CPLANE1: variants seen among roughly 807,000 people sequenced by gnomAD.
The protein encoded by CPLANE1 is ciliogenesis and planar polarity effector complex subunit 1.
Under a neutral mutation model 362.5 loss-of-function variants are expected in CPLANE1, and 263 were observed. That is an observed-to-expected ratio of 0.73 (90% CI 0.66 to 0.80). The LOEUF (loss-of-function observed/expected upper bound fraction) is 0.80, where lower values mean the gene tolerates loss of function less well. Among genes scored for constraint, CPLANE1 ranks in the 30% least tolerant of loss-of-function variants. The pLI is 0.00. For synonymous variants in CPLANE1, 1,212 were observed against 1,302.6 expected, an observed-to-expected ratio of 0.93 and a Z score of 1.50; for missense variants, 3,461 against 3,793.4, an observed-to-expected ratio of 0.91 and a Z score of 2.30.
Position 37,221,495 on chromosome 5 carries a change from C to G in CPLANE1, c.2582-7G>C. ...AAATACGTCCTTCTTCCTCCTGAAA[C>G]AAGAAGTAAGCTCACCTTAAAAGTA... On this transcript the variant is annotated splice_region_variant and splice_polypyrimidine_tract_variant and intron_variant, in intron 14 of 52. Coordinates refer to ENST00000651892, the MANE Select transcript of CPLANE1 (RefSeq NM_001384732.1). 1 of 1,485,624 alleles carries G rather than the reference C, an allele frequency of 6.7e-7. No individual in the cohort carries two copies. The highest frequency in any genetic ancestry group is 8.9e-7 in the Non-Finnish European group (1 of 1,122,280). The allele number at this position is 1,485,624 out of a possible 1,614,324, so 92.0% of individuals were successfully genotyped here.
chr5:37,138,880 A>C, intron 45 of CPLANE1, 32 bp from the exon 46 acceptor site: 2 of 1,581,836 alleles, frequency 1.3e-6, no homozygotes, highest in Non-Finnish European at 1.7e-6. Flanking sequence ...AAGAAATATA[A>C]ATCAGTATCT....
chr5:37,216,459 G>A (rs1278248167), intron 15 of CPLANE1, among the ~76,000 whole-genome samples: 1 of 152,206 alleles, frequency 6.6e-6, no homozygotes, highest in African/African-American at 2.4e-5. Flanking sequence ...TGAGGCAGGA[G>A]GATCACTTGA....
intron 42 of CPLANE1, among the ~76,000 whole-genome samples, chr5:37,151,185 T>C (rs1384048472): frequency 2.6e-5 from 4 of 152,224 alleles, no homozygotes; most frequent in African/African-American, 9.6e-5. Context: ...CTCTAAGTAA[T>C]GCTCATACAG....
Position 37,108,473 on chromosome 5 carries a change from T to C in CPLANE1, c.9401-2A>G. On this transcript the variant is annotated splice_acceptor_variant, in intron 51 of 52. Coordinates refer to ENST00000651892, the MANE Select transcript of CPLANE1 (RefSeq NM_001384732.1). LOFTEE classifies it high-confidence loss of function. ...GACTATGACACGGAGCATTAGAGCC[T>C]TTTAAGGGATAAGAACAAAGCACAC... The C allele has an allele frequency of 6.2e-7, 1 of 1,610,172 alleles. No homozygotes were observed. Among genetic ancestry groups the C allele is most frequent in the South Asian group, 1.1e-5 (1 of 90,414 alleles).
chr5:37,169,627 C>T, intron 33 of CPLANE1, 66 bp from the exon 34 acceptor site: 1 of 1,387,010 alleles, frequency 7.2e-7, no homozygotes, highest in Admixed American at 2.3e-5. Context: ...TTGTAAATGG[C>T]ATTCAGTATG....
At chr5:37,107,902 G>C in intron 52 of CPLANE1, 124 bp from the exon 53 acceptor site, 2 of 1,414,434 alleles carry the variant, frequency 1.4e-6, no homozygotes, top group Non-Finnish European at 1.9e-6. Flanking sequence ...CCATCAAAAG[G>C]CTGAAGGAAA....
intron 46 of CPLANE1, among the ~76,000 whole-genome samples, chr5:37,134,465 T>A (rs13167076): frequency 0.061 from 9,229 of 152,322 alleles, 375 homozygotes; most frequent in Non-Finnish European, 0.094. Flanking sequence ...TTTGTATTTC[T>A]GTGGGATCAG....
intron 48 of CPLANE1, 44 bp from the exon 49 acceptor site, chr5:37,121,828 A>G (rs780517679): frequency 6.6e-7 from 1 of 1,521,662 alleles, no homozygotes; most frequent in Non-Finnish European, 9.1e-7. Flanking sequence ...AGTCACTTTC[A>G]GTTCATCTAT....
intron 51 of CPLANE1, among the ~76,000 whole-genome samples, chr5:37,111,649 C>G (rs2149919798): frequency 6.6e-6 from 1 of 152,256 alleles, no homozygotes; most frequent in South Asian, 2.1e-4. Flanking sequence ...AGAAACAAAG[C>G]TAACATCATT....
At chr5:37,207,444 G>T (rs976408040) in intron 16 of CPLANE1, among the ~76,000 whole-genome samples, 2 of 152,138 alleles carry the variant, frequency 1.3e-5, no homozygotes, top group Non-Finnish European at 2.9e-5. Flanking sequence ...TACGAGCAAG[G>T]TAATATACCA....
At chr5:37,232,663 C>T (rs1797972360) in intron 8 of CPLANE1, among the ~76,000 whole-genome samples, 1 of 150,724 alleles carries the variant, frequency 6.6e-6, no homozygotes, top group Admixed American at 6.6e-5. Context: ...ATAGCAAGAC[C>T]CTGGCTCTAC....
At chr5:37,212,257 A>G in intron 16 of CPLANE1, 1 of 1,405,258 alleles carries the variant, frequency 7.1e-7, no homozygotes, top group Non-Finnish European at 1.0e-6. Flanking sequence ...CAAGACCAGG[A>G]GTCGGCAGAT....
At chr5:37,242,718 ATG>A (rs1800821392) in intron 6 of CPLANE1, among the ~76,000 whole-genome samples, 2 of 152,132 alleles carry the variant, frequency 1.3e-5, no homozygotes, top group Non-Finnish European at 2.9e-5. Flanking sequence ...AAAGATAATA[ATG>A]TTTAAAAAGG....
At position 37,249,354 on chromosome 5, in the gene CPLANE1, A is replaced by T. The variant is rs892698217; in HGVS notation, c.-157T>A. 8 of 152,312 alleles carry T rather than the reference A, an allele frequency of 5.3e-5. No individual in the cohort carries two copies. Among genetic ancestry groups the T allele is most frequent in the African/African-American group, 1.9e-4 (8 of 41,446 alleles). The allele number at this position is 152,312 out of a possible 1,614,324, so 9.4% of individuals were successfully genotyped here. A position where few individuals can be genotyped will look rare whatever the true frequency, so the allele number is the denominator to read the frequency against. ...GCTGCGGGCCCTACCGCCAGCCCTG[A>T]CGCGAGCCTGCGTCCTGGCGACGGC... On this transcript the variant is annotated 5_prime_UTR_variant, in exon 1 of 53. Transcript: ENST00000651892.
intron 20 of CPLANE1, among the ~76,000 whole-genome samples, chr5:37,196,445 T>TTTTCAG (rs1787471565): frequency 6.6e-6 from 1 of 152,130 alleles, no homozygotes; most frequent in African/African-American, 2.4e-5. Flanking sequence ...CAGCCCCTAA[T>TTTTCAG]AATGACTCTA....
At chr5:37,088,805 G>T in the CPLANE1 span, among the ~76,000 whole-genome samples, 1 of 152,030 alleles carries the variant, frequency 6.6e-6, no homozygotes, top group Admixed American at 6.5e-5. Context: ...CGGGATCTGG[G>T]GCCTGCTGCC....
intron 9 of CPLANE1, among the ~76,000 whole-genome samples, chr5:37,229,432 G>C (rs959079916): frequency 6.6e-5 from 10 of 151,088 alleles, no homozygotes; most frequent in Admixed American, 1.3e-4. Context: ...CCAGCTACTC[G>C]GGAGGCTGAG....
At chr5:37,237,807 A>G (rs896616692) in intron 8 of CPLANE1, among the ~76,000 whole-genome samples, 1 of 152,100 alleles carries the variant, frequency 6.6e-6, no homozygotes, top group African/African-American at 2.4e-5. Flanking sequence ...CCGAGATCAC[A>G]CCACTGCACT....
chr5:37,143,079 A>G (rs956532951), intron 43 of CPLANE1, among the ~76,000 whole-genome samples: 6 of 152,234 alleles, frequency 3.9e-5, no homozygotes, highest in Admixed American at 3.9e-4. Flanking sequence ...ACTTGCCACA[A>G]GCATGAACAG....
Sources: allele counts gnomAD v4.1 joint callset (sites outside exome capture counted in the v4.1 genomes callset), GRCh38; gene constraint gnomAD v4.1.1; transcripts MANE v1.5; gene names NCBI Gene and HGNC (gene_info 2026-07-23, HGNC 2026-07-21).